CDC73: variants seen among roughly 807,000 people sequenced by gnomAD.
CDC73 encodes parafibromin.
CDC73 carries 21 observed loss-of-function variants against 83.7 expected under a neutral mutation model. That is an observed-to-expected ratio of 0.25 (90% confidence interval 0.18 to 0.36). The LOEUF (loss-of-function observed/expected upper bound fraction) is 0.36. Ranked by LOEUF, CDC73 falls within the 10% of genes least tolerant of loss-of-function variation. The pLI is 1.00. For missense variants in CDC73, 342 were observed against 653.3 expected (o/e 0.52, Z 5.19); for synonymous variants, 224 against 212.9 (o/e 1.05, Z -0.45).
At chr1:193,214,871 A>T (rs1558313634) in intron 13 of CDC73, among the ~76,000 whole-genome samples, 1 of 152,224 alleles carries the variant, frequency 6.6e-6, no homozygotes, top group Non-Finnish European at 1.5e-5. Context: ...GAATTTAGTG[A>T]TAACTCTCAT....
intron 2 of CDC73, among the ~76,000 whole-genome samples, chr1:193,129,868 C>T (rs543419498): frequency 1.3e-5 from 2 of 152,178 alleles, no homozygotes; most frequent in East Asian, 1.9e-4. Flanking sequence ...TTATTAGGTT[C>T]TTTTAGCCTA....
intron 3 of CDC73, among the ~76,000 whole-genome samples, chr1:193,131,639 C>T (rs933091513): frequency 1.3e-5 from 2 of 152,212 alleles, no homozygotes; most frequent in Non-Finnish European, 2.9e-5. Context: ...ACCATTCTTC[C>T]TTTGCTCATA....
intron 11 of CDC73, among the ~76,000 whole-genome samples, chr1:193,207,529 C>T (rs975368716): frequency 6.6e-6 from 1 of 152,100 alleles, no homozygotes; most frequent in Non-Finnish European, 1.5e-5. Context: ...AGACCTCCCC[C>T]CAGAAATGCA....
At chr1:193,209,244 G>A (rs566272911) in intron 11 of CDC73, among the ~76,000 whole-genome samples, 3 of 152,150 alleles carry the variant, frequency 2.0e-5, no homozygotes, top group Non-Finnish European at 2.9e-5. Context: ...CTTGTAAATT[G>A]GCAATTAGCA....
intron 13 of CDC73, among the ~76,000 whole-genome samples, chr1:193,231,220 A>G (rs1314294098): frequency 1.3e-5 from 2 of 152,212 alleles, no homozygotes; most frequent in Admixed American, 6.5e-5. Context: ...CTTTAACACC[A>G]TGTTAAAATT....
intron 7 of CDC73, among the ~76,000 whole-genome samples, chr1:193,144,919 T>TCA (rs1675970098): frequency 6.6e-6 from 1 of 151,672 alleles, no homozygotes; most frequent in African/African-American, 2.4e-5. Context: ...CGTGAGAAAA[T>TCA]TAGAATTTTG....
Position 193,251,840 on chromosome 1 carries a change from C to CT in CDC73, c.*1131dup. 8.7e-6 allele frequency: 2 copies of CT among 229,886 alleles called. No homozygotes were observed. The highest frequency in any genetic ancestry group is 2.2e-5 in the African/African-American group (1 of 45,010). 14.2% of individuals were successfully genotyped at this position (229,886 alleles called of 1,614,324 possible). On this transcript the variant is annotated 3_prime_UTR_variant, in exon 17 of 17. Coordinates refer to ENST00000367435, the MANE Select transcript of CDC73 (RefSeq NM_024529.5). Reference sequence around the variant, plus strand: ...CCATTTGCCTTGAACCTTGATTTCACTTTGTTTTTTTTTTTTCCTTAAAGG... The same window carrying CT: ...CCATTTGCCTTGAACCTTGATTTCACTTTTGTTTTTTTTTTTTCCTTAAAGG...
rs1236420853 is a variant in CDC73 at position 193,135,505 on chromosome 1, T to C, written c.371-32T>C. ...AACTTTCAGAAGCCCATTCCAAAAC[T>C]ACACATTTATTTACTTCTCTTTCTT... On this transcript the variant is annotated intron_variant, in intron 4 of 16. Coordinates refer to ENST00000367435, the MANE Select transcript of CDC73 (RefSeq NM_024529.5). The C allele has an allele frequency of 1.2e-5, 20 of 1,611,542 alleles. No individual in the cohort carries two copies. In the Admixed American group the frequency reaches 3.3e-4, roughly 27 times the overall value.
chr1:193,177,358 C>CAAAATAAAAAAAAAAAAAA, intron 10 of CDC73, among the ~76,000 whole-genome samples: 1 of 69,544 alleles, frequency 1.4e-5, no homozygotes, highest in Non-Finnish European at 2.6e-5. Context: ...ACTAAAAATA[C>CAAAATAAAAAAAAAAAAAA]AAAAAAAAAA....
At position 193,192,351 on chromosome 1, in the gene CDC73, G is replaced by A. The variant is rs555713752; in HGVS notation, c.973-11444G>A. ...CCAGCTACCTGGGAGGCTGAGGCACGAGAATCACTTGGACCTGGGAGGCGG... is the reference window on the plus strand; with the variant it reads ...CCAGCTACCTGGGAGGCTGAGGCACAAGAATCACTTGGACCTGGGAGGCGG... On this transcript the variant is annotated intron_variant, in intron 10 of 16. Coordinates refer to ENST00000367435, the MANE Select transcript of CDC73 (RefSeq NM_024529.5). Among the ~76,000 whole-genome samples, 43 of 152,318 alleles carry A rather than the reference G, an allele frequency of 2.8e-4. No individual in the cohort carries two copies. In the South Asian group the frequency reaches 6.8e-3, roughly 24 times the overall value.
intron 13 of CDC73, among the ~76,000 whole-genome samples, chr1:193,220,684 A>C (rs1408856540): frequency 6.6e-6 from 1 of 152,130 alleles, no homozygotes; most frequent in Non-Finnish European, 1.5e-5. Flanking sequence ...AGTACTTTTG[A>C]ATGACAAAAT....
intron 10 of CDC73, among the ~76,000 whole-genome samples, chr1:193,173,851 A>G (rs1019896350): frequency 5.9e-5 from 9 of 152,174 alleles, no homozygotes; most frequent in African/African-American, 2.2e-4. Flanking sequence ...AACATGATCT[A>G]GTGGCAAATT....
rs547727220 is a variant in CDC73 at position 193,254,016 on chromosome 1, A to G, written c.*3304A>G. 12 of 222,804 alleles carry G rather than the reference A, an allele frequency of 5.4e-5. No homozygotes were observed. The highest frequency in any genetic ancestry group is 1.1e-4 in the Non-Finnish European group (12 of 111,706). 13.8% of individuals were successfully genotyped at this position (222,804 alleles called of 1,614,324 possible). A position where few individuals can be genotyped will look rare whatever the true frequency, so the allele number is the denominator to read the frequency against. ...ATTTTATAATATTACAAATACAACA[A>G]TTATTTATAAAAGCTAGTCAAATTA... On this transcript the variant is annotated 3_prime_UTR_variant, in exon 17 of 17. Transcript: ENST00000367435.
chr1:193,222,696 G>T (rs74130936), intron 13 of CDC73, among the ~76,000 whole-genome samples: 1 of 148,294 alleles, frequency 6.7e-6, no homozygotes, highest in Non-Finnish European at 1.5e-5. Flanking sequence ...TTAAATCTGC[G>T]TATTGGTGTT....
At position 193,236,363 on chromosome 1, in the gene CDC73, T is replaced by C; in HGVS notation, c.1417+7T>C. The C allele has an allele frequency of 6.5e-7, 1 of 1,539,524 alleles. No homozygotes were observed. On this transcript the variant is annotated splice_region_variant and intron_variant, in intron 15 of 16. Coordinates refer to ENST00000367435, the MANE Select transcript of CDC73 (RefSeq NM_024529.5). ...GTTGATATATTTGCTAAAAGTAAGA[T>C]TCTCTTTGTATTTACTGTATCCAGT...
intron 15 of CDC73, among the ~76,000 whole-genome samples, chr1:193,248,659 T>C (rs1360403896): frequency 1.3e-5 from 2 of 152,000 alleles, no homozygotes; most frequent in Admixed American, 1.3e-4. Context: ...AACCAGAAGT[T>C]TAGAAGAAGT....
chr1:193,153,344 C>T (rs940200654), intron 10 of CDC73, among the ~76,000 whole-genome samples: 2 of 152,008 alleles, frequency 1.3e-5, no homozygotes, highest in East Asian at 3.8e-4. Context: ...TATTTATATT[C>T]TAGACCATTC....
intron 14 of CDC73, among the ~76,000 whole-genome samples, chr1:193,234,290 T>TTA (rs1360242844): frequency 1.7e-5 from 2 of 118,758 alleles, no homozygotes; most frequent in Admixed American, 8.9e-5. Context: ...AATATACATA[T>TTA]TATATATATA....
chr1:193,243,885 A>G (rs978916135), intron 15 of CDC73, among the ~76,000 whole-genome samples: 1 of 152,214 alleles, frequency 6.6e-6, no homozygotes, highest in African/African-American at 2.4e-5. Flanking sequence ...GTTTATTAAG[A>G]ATTGAATCTT....
Sources: allele counts gnomAD v4.1 joint callset (sites outside exome capture counted in the v4.1 genomes callset), GRCh38; gene constraint gnomAD v4.1.1; transcripts MANE v1.5; gene names NCBI Gene and HGNC (gene_info 2026-07-23, HGNC 2026-07-21).